CHMP2B: variants seen among roughly 807,000 people sequenced by gnomAD.
CHMP2B encodes the protein charged multivesicular body protein 2B, also known as VPS2 homolog B.
CHMP2B carries 22 observed loss-of-function variants against 29.8 expected under a neutral mutation model. The observed-to-expected ratio is 0.74, with a 90% CI of 0.53 to 1.05. The LOEUF (loss-of-function observed/expected upper bound fraction) is 1.05, where lower values mean the gene tolerates loss of function less well. Ranked by LOEUF, CHMP2B falls within the 50% of genes least tolerant of loss-of-function variation. The pLI is 0.00. For missense variants in CHMP2B, 261 were observed against 252.2 expected, an observed-to-expected ratio of 1.03 and a Z score of -0.24; for synonymous variants, 78 against 75.8, an observed-to-expected ratio of 1.03 and a Z score of -0.15.
At chr3:87,237,073 G>A (rs17188947) in intron 1 of CHMP2B, among the ~76,000 whole-genome samples, 47,657 of 152,096 alleles carry the variant, frequency 0.31, 9,319 homozygotes, top group Non-Finnish European at 0.44. Flanking sequence ...AGGGAAGTAA[G>A]TCCAAAAGAG....
rs1197624305 is a variant in CHMP2B, at chr3:87,227,317, C to T, written c.-206C>T. Reference sequence around the variant, plus strand: ...ACTTCTCCAAAAAGTGTGTTAGTTCCCGGTCACCTGAGCTCCGGGTGACGC... The same window carrying T: ...ACTTCTCCAAAAAGTGTGTTAGTTCTCGGTCACCTGAGCTCCGGGTGACGC... On this transcript the variant is annotated 5_prime_UTR_variant, in exon 1 of 6. Transcript: ENST00000263780. 3.2e-6 allele frequency: 2 copies of T among 617,080 alleles called. No homozygotes were observed. The highest frequency in any genetic ancestry group is 3.7e-5 in the African/African-American group (2 of 54,206). The allele number at this position is 617,080 out of a possible 1,614,324, so 38.2% of individuals were successfully genotyped here. A position where few individuals can be genotyped will look rare whatever the true frequency, so the allele number is the denominator to read the frequency against.
At position 87,249,955 on chromosome 3, in the gene CHMP2B, A is replaced by G; in HGVS notation, c.402A>G (p.Lys134=). The G allele has an allele frequency of 1.3e-6, 2 of 1,589,804 alleles. No homozygotes were observed. The highest frequency in any genetic ancestry group is 1.7e-6 in the Non-Finnish European group (2 of 1,160,808). Reference sequence around the variant, plus strand: ...AGAATTTCCAGAAGGAAAACATGAAAATGGAAATGACTGAAGAAATGAGTA... The same window carrying G: ...AGAATTTCCAGAAGGAAAACATGAAGATGGAAATGACTGAAGAAATGAGTA... ...TMQNFQKENM[K]MEMTEEMIND... The change falls in exon 4 of 6, where the codon AAA becomes AAG. Residue 134 remains lysine, a synonymous_variant. Transcript: ENST00000263780.
chr3:87,227,685 C>T, intron 1 of CHMP2B, 129 bp downstream of exon 1: 8 of 1,189,288 alleles, frequency 6.7e-6, no homozygotes, highest in Non-Finnish European at 8.8e-6. Context: ...CAGGTGACCG[C>T]CCTCGCGGCA....
intron 2 of CHMP2B, among the ~76,000 whole-genome samples, chr3:87,244,825 G>A (rs1428557104): frequency 6.6e-6 from 1 of 152,046 alleles, no homozygotes; most frequent in African/African-American, 2.4e-5. Flanking sequence ...TGTCAGTTAG[G>A]TCAAATTGGT....
At chr3:87,241,799 A>G (rs1387131507) in intron 2 of CHMP2B, among the ~76,000 whole-genome samples, 6 of 152,004 alleles carry the variant, frequency 3.9e-5, no homozygotes, top group Admixed American at 2.0e-4. Context: ...CATGGTTTTC[A>G]TTTTTCTTGG....
In CHMP2B at chr3:87,227,532, C is replaced by G. The variant is rs1452055186; in HGVS notation, c.10C>G (p.Leu4Val). The change falls in exon 1 of 6, where the codon CTC becomes GTC. Residue 4 changes from leucine (L) to valine (V), a missense_variant. Coordinates refer to ENST00000263780, the MANE Select transcript of CHMP2B (RefSeq NM_014043.4). Reference sequence around the variant, plus strand: ...GGCGCAGTCTTTAACCATGGCGTCCCTCTTCAAGAAGAAAACCGTGGATGG... The same window carrying G: ...GGCGCAGTCTTTAACCATGGCGTCCGTCTTCAAGAAGAAAACCGTGGATGG... The part of the protein sequence containing the change: MAS[L>V]FKKKTVDDVI... 6.2e-7 allele frequency: 1 copy of G among 1,614,182 alleles called. No individual in the cohort carries two copies. The highest frequency in any genetic ancestry group is 1.3e-5 in the African/African-American group (1 of 75,054).
Position 87,248,326 on chromosome 3 carries a change from G to A in CHMP2B, c.322-1549G>A, listed in dbSNP as rs185966834. ...AAAAAAGAGAGAGAGAGAACGTTTC[G>A]GTATACATTTTGTTTCTCAGTTACC... On this transcript the variant is annotated intron_variant, in intron 3 of 5. Coordinates refer to ENST00000263780, the MANE Select transcript of CHMP2B (RefSeq NM_014043.4). Among the ~76,000 whole-genome samples, 362 of 151,132 alleles carry A rather than the reference G, an allele frequency of 2.4e-3. 1 individual carries two copies. The highest frequency in any genetic ancestry group is 3.8e-3 in the Non-Finnish European group (258 of 67,682).
intron 3 of CHMP2B, among the ~76,000 whole-genome samples, chr3:87,246,323 A>T (rs536203449): frequency 1.3e-5 from 2 of 152,146 alleles, no homozygotes; most frequent in East Asian, 3.9e-4. Context: ...TTTTTAGTAG[A>T]GACGAGGTTT....
chr3:87,250,898 C>T (rs959361289), intron 4 of CHMP2B, among the ~76,000 whole-genome samples: 15 of 151,844 alleles, frequency 9.9e-5, no homozygotes, highest in African/African-American at 2.9e-4. Flanking sequence ...AATGAATGAC[C>T]GACCCTTCAT....
chr3:87,233,927 G>A lies in CHMP2B; in HGVS notation c.34+6371G>A, dbSNP rs374782156. On this transcript the variant is annotated intron_variant, in intron 1 of 5. Transcript: ENST00000263780. ...TTATGACCTTATAGTGAAAAACACA[G>A]CATACAGTATAGTGGCTACTTCTCT... is the stretch of plus-strand genomic sequence containing the variant. Among the ~76,000 whole-genome samples, 11 of 152,218 alleles carry A rather than the reference G, an allele frequency of 7.2e-5. 1 individual carries two copies. In the East Asian group the frequency reaches 1.7e-3, roughly 24 times the overall value.
At chr3:87,229,656 G>T (rs79584197) in intron 1 of CHMP2B, among the ~76,000 whole-genome samples, 5,122 of 152,026 alleles carry the variant, frequency 0.034, 125 homozygotes, top group African/African-American at 0.065. Context: ...GTATTTTTAT[G>T]TCTCTCAGAT....
At chr3:87,237,645 G>T (rs929452984) in intron 1 of CHMP2B, among the ~76,000 whole-genome samples, 1 of 152,066 alleles carries the variant, frequency 6.6e-6, no homozygotes, top group Non-Finnish European at 1.5e-5. Flanking sequence ...TTCTTAATAC[G>T]TTTGGTCAAT....
chr3:87,227,340 C>A lies in CHMP2B; in HGVS notation c.-183C>A. ...TCCCGGTCACCTGAGCTCCGGGTGA[C>A]GCGGCTGCGGTAGCTGCGGATACAA... On this transcript the variant is annotated 5_prime_UTR_variant, in exon 1 of 6. Coordinates refer to ENST00000263780, the MANE Select transcript of CHMP2B (RefSeq NM_014043.4). 2 of 653,472 alleles carry A rather than the reference C, an allele frequency of 3.1e-6. No homozygotes were observed. The highest frequency in any genetic ancestry group is 5.5e-6 in the Non-Finnish European group (2 of 364,926). The allele number at this position is 653,472 out of a possible 1,614,324, so 40.5% of individuals were successfully genotyped here. A position where few individuals can be genotyped will look rare whatever the true frequency, so the allele number is the denominator to read the frequency against.
intron 2 of CHMP2B, among the ~76,000 whole-genome samples, chr3:87,242,361 A>G (rs949880264): frequency 1.3e-4 from 20 of 152,044 alleles, no homozygotes; most frequent in Non-Finnish European, 2.5e-4. Context: ...ACAAACGTCA[A>G]TTAGGTCAAA....
At chr3:87,248,849 A>G (rs1467551489) in intron 3 of CHMP2B, among the ~76,000 whole-genome samples, 1 of 151,984 alleles carries the variant, frequency 6.6e-6, no homozygotes, top group Non-Finnish European at 1.5e-5. Flanking sequence ...TGTTTGCTTC[A>G]TATCTTTGAA....
At position 87,251,486 on chromosome 3, in the gene CHMP2B, G is replaced by A. The variant is rs141889981; in HGVS notation, c.424+1509G>A. ...GATATCTATAATACCTACTGCAGTT[G>A]TTCTCATTTGTATTTTAATACATTA... On this transcript the variant is annotated intron_variant, in intron 4 of 5. Transcript: ENST00000263780. Among the ~76,000 whole-genome samples, 641 of 151,978 alleles carry A rather than the reference G, an allele frequency of 4.2e-3. 2 individuals carry two copies. Among genetic ancestry groups the A allele is most frequent in the Middle Eastern group, 0.017 (5 of 294 alleles).
intron 1 of CHMP2B, 87 bp from the exon 2 acceptor site, chr3:87,240,612 T>A (rs948887378): frequency 3.1e-5 from 30 of 978,080 alleles, no homozygotes; most frequent in East Asian, 1.2e-4. Context: ...AAGATTTTTT[T>A]AAATCATGAT....
At chr3:87,249,400 C>A (rs1706273609) in intron 3 of CHMP2B, among the ~76,000 whole-genome samples, 1 of 151,862 alleles carries the variant, frequency 6.6e-6, no homozygotes, top group South Asian at 2.1e-4. Flanking sequence ...TCAAAGCTCA[C>A]ATTTTTATAT....
chr3:87,252,534 C>G (rs765552782), intron 4 of CHMP2B, among the ~76,000 whole-genome samples: 1 of 151,824 alleles, frequency 6.6e-6, no homozygotes, highest in Admixed American at 6.6e-5. Flanking sequence ...CGTATCCTTG[C>G]CAGATTACTT....
Sources: allele counts gnomAD v4.1 joint callset (sites outside exome capture counted in the v4.1 genomes callset), GRCh38; gene constraint gnomAD v4.1.1; transcripts MANE v1.5; gene names NCBI Gene and HGNC (gene_info 2026-07-23, HGNC 2026-07-21).